The following GATB variants were observed in gnomAD, a reference collection of about 807,000 sequenced individuals.
GATB encodes glutamyl-tRNA(Gln) amidotransferase subunit B, mitochondrial.
A neutral mutation model predicts 62.3 loss-of-function variants in GATB; 39 were observed. The ratio of observed to expected loss-of-function variants is 0.63; its 90% confidence interval spans 0.48 to 0.82. The LOEUF (loss-of-function observed/expected upper bound fraction) is 0.82, where lower values mean the gene tolerates loss of function less well. GATB is among the 40% of genes least tolerant of loss of function. The pLI is 0.00. For synonymous variants in GATB, 276 were observed against 258.9 expected, an observed-to-expected ratio of 1.07 and a Z score of -0.63; for missense variants, 670 against 684.0, an observed-to-expected ratio of 0.98 and a Z score of 0.23.
chr4:151,724,051 A>C (rs1266854583), intron 2 of GATB: 1 of 152,208 alleles, frequency 6.6e-6, no homozygotes, highest in Non-Finnish European at 1.5e-5. Context: ...CTCATAAGGC[A>C]GCATAAACAA....
In GATB at chr4:151,716,131, C is replaced by T; in HGVS notation, c.641G>A (p.Gly214Glu). 1 of 1,612,830 alleles carries T rather than the reference C, an allele frequency of 6.2e-7. No individual in the cohort carries two copies. Among genetic ancestry groups the T allele is most frequent in the East Asian group, 2.2e-5 (1 of 44,848 alleles). The change falls in exon 5 of 13, where the codon GGA becomes GAA. Residue 214 changes from glycine (G) to glutamate (E), a missense_variant and splice_region_variant. Physicochemically the swap from Gly to Glu is moderately conservative, Grantham distance 98 (BLOSUM62 -2). Coordinates refer to ENST00000263985, the MANE Select transcript of GATB (RefSeq NM_004564.3). ...CAGGACCACCTCCAGAAGGCCCACT[C>T]CTACCAAAGAGGGGCAGAGTCAGCC... ...SQTLIDLNRAGVGLLEVVLEP... is the reference protein window; with the variant it reads ...SQTLIDLNRAEVGLLEVVLEP...
intron 9 of GATB, among the ~76,000 whole-genome samples, chr4:151,695,126 T>C (rs952572244): frequency 1.3e-5 from 2 of 152,176 alleles, no homozygotes; most frequent in South Asian, 4.1e-4. Flanking sequence ...ACTGGGGCCA[T>C]GTGGGATGTT....
Position 151,760,925 on chromosome 4 carries a change from C to A in GATB, c.58G>T (p.Val20Phe), listed in dbSNP as rs370555252. The change falls in exon 1 of 13, where the codon GTT becomes TTT. Residue 20 changes from valine to phenylalanine, a missense_variant. By Grantham distance (50) the Val-to-Phe change is conservative. Coordinates refer to ENST00000263985, the MANE Select transcript of GATB (RefSeq NM_004564.3). ...CTTCGGTGGCAAGAACCACCGTCAA[C>A]CCGGGCGAAAGCCCAACGTCTTCCA... is the stretch of plus-strand genomic sequence containing the variant. Reference protein sequence around the residue: ...CRGRRWAFARVDGGSCHRRGA... With the variant: ...CRGRRWAFARFDGGSCHRRGA... The A allele has an allele frequency of 1.2e-5, 19 of 1,613,824 alleles. No individual in the cohort carries two copies.
intron 10 of GATB, among the ~76,000 whole-genome samples, chr4:151,687,436 C>T (rs993837416): frequency 1.3e-5 from 2 of 152,358 alleles, no homozygotes; most frequent in African/African-American, 4.8e-5. Context: ...GAAGTTCTGC[C>T]AATTGAGATA....
chr4:151,740,047 A>G (rs550816520), intron 2 of GATB, among the ~76,000 whole-genome samples: 4 of 152,236 alleles, frequency 2.6e-5, no homozygotes, highest in Non-Finnish European at 5.9e-5. Context: ...TAAAAAGCAT[A>G]TGGCTAAACA....
At chr4:151,732,092 G>C (rs9654233) in intron 2 of GATB, among the ~76,000 whole-genome samples, 15,414 of 140,560 alleles carry the variant, frequency 0.11, 1,401 homozygotes, top group African/African-American at 0.17. Flanking sequence ...CGCCCCGTCC[G>C]GGAGGGAGGT....
intron 10 of GATB, among the ~76,000 whole-genome samples, chr4:151,683,848 C>A (rs1738194052): frequency 6.6e-6 from 1 of 152,196 alleles, no homozygotes; most frequent in African/African-American, 2.4e-5. Context: ...CACCACCCAT[C>A]TTCTGTCTCA....
At chr4:151,726,858 C>T (rs1313787063) in intron 2 of GATB, among the ~76,000 whole-genome samples, 1 of 152,172 alleles carries the variant, frequency 6.6e-6, no homozygotes, top group East Asian at 1.9e-4. Context: ...GCTCAGGAGG[C>T]CACGGTCACC....
At chr4:151,735,431 T>C (rs1319123597) in intron 2 of GATB, among the ~76,000 whole-genome samples, 3 of 151,690 alleles carry the variant, frequency 2.0e-5, no homozygotes, top group African/African-American at 7.3e-5. Context: ...AATCAAAAAA[T>C]CAAAAAACAG....
At chr4:151,734,982 G>A (rs1739340990) in intron 2 of GATB, among the ~76,000 whole-genome samples, 1 of 152,114 alleles carries the variant, frequency 6.6e-6, no homozygotes, top group South Asian at 2.1e-4. Flanking sequence ...AAAAATTCTA[G>A]AAGATAACAT....
chr4:151,725,205 G>A lies in GATB; in HGVS notation c.328-5667C>T, dbSNP rs188128052. ...ATGTTGCTGGAGGCAGAGCAAAGGC[G>A]AAATACCCTCTTGCTCCTTTCCTCC... On this transcript the variant is annotated intron_variant, in intron 2 of 12. Transcript: ENST00000263985. 1.5e-4 allele frequency among the ~76,000 whole-genome samples: 23 copies of A among 152,344 alleles called. No homozygotes were observed. In the East Asian group the frequency reaches 3.9e-3, roughly 26 times the overall value.
chr4:151,717,428 C>T (rs1738936500), intron 3 of GATB: 1 of 265,678 alleles, frequency 3.8e-6, no homozygotes, highest in East Asian at 1.1e-4. Flanking sequence ...CCATCCAGCT[C>T]ATTAGCCTAA....
chr4:151,760,875 G>T lies in GATB; in HGVS notation c.108C>A (p.Ser36=), dbSNP rs1285740914. The T allele has an allele frequency of 1.9e-6, 3 of 1,614,050 alleles. No individual in the cohort carries two copies. The highest frequency in any genetic ancestry group is 1.7e-4 in the Middle Eastern group (1 of 6,040). Residue 36 remains serine (S), a synonymous_variant, in exon 1 of 13, where the codon TCC becomes TCA. Coordinates refer to ENST00000263985, the MANE Select transcript of GATB (RefSeq NM_004564.3). ...HRRGAPTGST[S]NQIRGESSVA... ...CTGAGCTCTCTCCCCTAATCTGGTTGGATGTGGACCCAGTCGGAGCCCCTC... is the reference window on the plus strand; with the variant it reads ...CTGAGCTCTCTCCCCTAATCTGGTTTGATGTGGACCCAGTCGGAGCCCCTC...
intron 10 of GATB, among the ~76,000 whole-genome samples, chr4:151,683,372 G>A (rs909068491): frequency 1.3e-5 from 2 of 152,120 alleles, no homozygotes; most frequent in African/African-American, 2.4e-5. Context: ...GGGCTGCACC[G>A]TAAGCTCCTT....
At chr4:151,684,222 C>A (rs556452418) in intron 10 of GATB, among the ~76,000 whole-genome samples, 12 of 152,354 alleles carry the variant, frequency 7.9e-5, no homozygotes, top group Middle Eastern at 3.4e-3. Flanking sequence ...AACACTGGGG[C>A]ACTCAACTGG....
chr4:151,732,407 T>A (rs909700638), intron 2 of GATB, among the ~76,000 whole-genome samples: 1 of 152,178 alleles, frequency 6.6e-6, no homozygotes, highest in Non-Finnish European at 1.5e-5. Flanking sequence ...ATGCTGTTGA[T>A]CTGTGACCCT....
Position 151,701,443 on chromosome 4 carries a change from C to T in GATB, c.1083G>A (p.Gln361=), listed in dbSNP as rs780002460. Residue 361 remains glutamine (Q), a synonymous_variant, in exon 9 of 13, where the codon CAG becomes CAA. Coordinates refer to ENST00000263985, the MANE Select transcript of GATB (RefSeq NM_004564.3). ...ATSLPAGADP[Q]QVINIDQIRE... is the part of the protein sequence containing the mutation. ...GAATCTGGTCAATATTGATCACTTG[C>T]TGTGGGTCTGCACCTGCGGGCAGAG... is the stretch of plus-strand genomic sequence containing the variant. 1 of 1,603,366 alleles carries T rather than the reference C, an allele frequency of 6.2e-7. No homozygotes were observed. Among genetic ancestry groups the T allele is most frequent in the Admixed American group, 1.7e-5 (1 of 58,576 alleles).
intron 7 of GATB, among the ~76,000 whole-genome samples, chr4:151,704,438 T>C (rs548450863): frequency 2.6e-5 from 4 of 152,156 alleles, no homozygotes; most frequent in East Asian, 3.9e-4. Flanking sequence ...TATATCCCTA[T>C]AGGGTACAGT....
chr4:151,681,100 A>T (rs1738129204), intron 10 of GATB, among the ~76,000 whole-genome samples: 1 of 152,228 alleles, frequency 6.6e-6, no homozygotes, highest in South Asian at 2.1e-4. Flanking sequence ...ATGCAAAATT[A>T]ATTTCTTTGG....
Sources: gnomAD v4.1 joint callset for allele counts (sites outside exome capture counted in the v4.1 genomes callset) on GRCh38, gnomAD v4.1.1 for gene constraint, MANE v1.5 for transcripts, NCBI Gene and HGNC (gene_info 2026-07-23, HGNC 2026-07-21) for gene names.